LHFPL2: variants seen among roughly 807,000 people sequenced by gnomAD.
LHFPL2 encodes LHFPL tetraspan subfamily member 2 protein.
Under a neutral mutation model 17.5 loss-of-function variants are expected in LHFPL2, and 7 were observed. That is an observed-to-expected ratio of 0.40 (90% CI 0.23 to 0.75). LHFPL2 has a LOEUF of 0.75. Among genes scored for constraint, LHFPL2 ranks in the 30% least tolerant of loss-of-function variants. LHFPL2 has a pLI of 0.37. For synonymous variants in LHFPL2, 134 were observed against 116.2 expected, an observed-to-expected ratio of 1.15 and a Z score of -0.99; for missense variants, 241 against 294.8, an observed-to-expected ratio of 0.82 and a Z score of 1.34.
chr5:78,619,200 A>AT (rs1744737777), intron 2 of LHFPL2, among the ~76,000 whole-genome samples: 1 of 151,982 alleles, frequency 6.6e-6, no homozygotes, highest in Non-Finnish European at 1.5e-5. Context: ...TAATTCTTGT[A>AT]TTTTTTTGTT....
chr5:78,642,248 C>G (rs1745693523), intron 1 of LHFPL2: 1 of 152,200 alleles, frequency 6.6e-6, no homozygotes, highest in African/African-American at 2.4e-5. Flanking sequence ...CAAATACCAT[C>G]ACATAGCGGG....
At chr5:78,635,664 G>A (rs931335497) in intron 1 of LHFPL2, among the ~76,000 whole-genome samples, 2 of 152,290 alleles carry the variant, frequency 1.3e-5, no homozygotes, top group African/African-American at 4.8e-5. Flanking sequence ...TTAGCCGGGT[G>A]TGGTGGTGGG....
chr5:78,510,037 G>C lies in LHFPL2; in HGVS notation c.177C>G (p.Pro59=), dbSNP rs780510275. Residue 59 remains proline (P), a synonymous_variant, in exon 4 of 5, where the codon CCC becomes CCG. Transcript: ENST00000380345. The stretch of plus-strand genomic sequence containing the variant: ...TGCAGCGGGCGTAGATGCCCAGGGT[G>C]GGGTGGTAGGGCTCCGGGGAGCCCC... ...PGGGSPEPYH[P]TLGIYARCIR... is the part of the protein sequence containing the mutation. 1.3e-5 allele frequency: 21 copies of C among 1,610,824 alleles called. No individual in the cohort carries two copies. The highest frequency in any genetic ancestry group is 2.2e-5 in the East Asian group (1 of 44,800).
rs549762860 is a variant in LHFPL2, at chr5:78,557,643, C to T, written c.-186+7170G>A. On this transcript the variant is annotated intron_variant, in intron 3 of 4. Coordinates refer to ENST00000380345, the MANE Select transcript of LHFPL2 (RefSeq NM_005779.3). Reference sequence around the variant, plus strand: ...ATGTAAATTAACAACAGGAAGTGTCCACCTCCTAACACCACTTGGCCACAG... The same window carrying T: ...ATGTAAATTAACAACAGGAAGTGTCTACCTCCTAACACCACTTGGCCACAG... Among the ~76,000 whole-genome samples, 3 of 152,290 alleles carry T rather than the reference C, an allele frequency of 2.0e-5. No homozygotes were observed. In the South Asian group the frequency reaches 6.2e-4, roughly 32 times the overall value.
At chr5:78,578,180 C>T (rs758542855) in intron 2 of LHFPL2, among the ~76,000 whole-genome samples, 1 of 152,146 alleles carries the variant, frequency 6.6e-6, no homozygotes, top group Admixed American at 6.5e-5. Context: ...CTGGCATGGT[C>T]CTCTGTACTT....
chr5:78,573,656 C>T (rs1580819453), intron 2 of LHFPL2, among the ~76,000 whole-genome samples: 2 of 152,194 alleles, frequency 1.3e-5, no homozygotes, highest in East Asian at 3.8e-4. Flanking sequence ...CTGCTTTCAT[C>T]TTTTTTCCCC....
intron 3 of LHFPL2, among the ~76,000 whole-genome samples, chr5:78,553,044 T>C (rs1738405457): frequency 6.6e-6 from 1 of 152,174 alleles, no homozygotes; most frequent in South Asian, 2.1e-4. Flanking sequence ...AGAAATGGGT[T>C]CGCCACAAAT....
intron 3 of LHFPL2, among the ~76,000 whole-genome samples, chr5:78,522,883 T>C (rs1039785258): frequency 3.3e-5 from 5 of 152,134 alleles, no homozygotes; most frequent in African/African-American, 1.2e-4. Context: ...ATCAGGGATA[T>C]GATATCTGGG....
At chr5:78,526,684 T>G (rs1472621896) in intron 3 of LHFPL2, among the ~76,000 whole-genome samples, 1 of 152,228 alleles carries the variant, frequency 6.6e-6, no homozygotes, top group African/African-American at 2.4e-5. Context: ...TGAGCCCAAG[T>G]TGGGTCCACA....
intron 2 of LHFPL2, among the ~76,000 whole-genome samples, chr5:78,584,995 G>GTTTTTTTTTT (rs1163195083): frequency 4.9e-5 from 2 of 40,528 alleles, no homozygotes; most frequent in African/African-American, 1.6e-4. Flanking sequence ...GGTGCGCTGT[G>GTTTTTTTTTT]TTTTTTTTTT....
chr5:78,634,386 A>G (rs1745357763), intron 1 of LHFPL2, among the ~76,000 whole-genome samples: 1 of 152,148 alleles, frequency 6.6e-6, no homozygotes, highest in Admixed American at 6.5e-5. Context: ...CTGTATTCTC[A>G]GTGCACCTCA....
At chr5:78,592,555 T>C (rs1743665137) in intron 2 of LHFPL2, among the ~76,000 whole-genome samples, 1 of 152,202 alleles carries the variant, frequency 6.6e-6, no homozygotes. Context: ...TTTTGCTTTC[T>C]TCACTTCCAC....
At chr5:78,646,957 CT>C (rs1294778293) in intron 1 of LHFPL2, among the ~76,000 whole-genome samples, 1 of 152,212 alleles carries the variant, frequency 6.6e-6, no homozygotes, top group Non-Finnish European at 1.5e-5. Context: ...CCCCATCCCC[CT>C]CTCCTACAAC....
At chr5:78,645,100 C>A (rs985363473) in intron 1 of LHFPL2, among the ~76,000 whole-genome samples, 2 of 152,184 alleles carry the variant, frequency 1.3e-5, no homozygotes, top group African/African-American at 4.8e-5. Flanking sequence ...CTGCTACCAC[C>A]CCCAGCCCCA....
At chr5:78,638,802 C>T (rs77296218) in intron 1 of LHFPL2, among the ~76,000 whole-genome samples, 3,317 of 152,136 alleles carry the variant, frequency 0.022, 121 homozygotes, top group African/African-American at 0.076. Context: ...ACAAGACAGA[C>T]GACCAGGTCA....
At chr5:78,504,033 A>G (rs1176374272) in intron 4 of LHFPL2, among the ~76,000 whole-genome samples, 1 of 151,970 alleles carries the variant, frequency 6.6e-6, no homozygotes, top group African/African-American at 2.4e-5. Flanking sequence ...TTTACTTTTT[A>G]CCAAGGGACT....
Position 78,559,355 on chromosome 5 carries a change from T to C in LHFPL2, c.-186+5458A>G, listed in dbSNP as rs563678424. On this transcript the variant is annotated intron_variant, in intron 3 of 4. Transcript: ENST00000380345. Reference sequence around the variant, plus strand: ...GCTGGATAGTCTATAATGTCAGACATTGCACTGGGCATCGAGGATATACTA... The same window carrying C: ...GCTGGATAGTCTATAATGTCAGACACTGCACTGGGCATCGAGGATATACTA... Among the ~76,000 whole-genome samples, 37 of 152,306 alleles carry C rather than the reference T, an allele frequency of 2.4e-4. No individual in the cohort carries two copies. In the South Asian group the frequency reaches 7.3e-3, roughly 30 times the overall value.
intron 3 of LHFPL2, among the ~76,000 whole-genome samples, chr5:78,545,372 A>G (rs1261707319): frequency 1.3e-5 from 2 of 152,234 alleles, no homozygotes; most frequent in African/African-American, 4.8e-5. Flanking sequence ...CAAGCCTTCA[A>G]TGAAAACACT....
chr5:78,623,440 T>C (rs1344733546), intron 2 of LHFPL2, among the ~76,000 whole-genome samples: 1 of 152,236 alleles, frequency 6.6e-6, no homozygotes, highest in African/African-American at 2.4e-5. Context: ...ACTATGGTTA[T>C]AGACCCCCAT....
Sources: gnomAD v4.1 joint callset for allele counts (sites outside exome capture counted in the v4.1 genomes callset) on GRCh38, gnomAD v4.1.1 for gene constraint, MANE v1.5 for transcripts, NCBI Gene and HGNC (gene_info 2026-07-23, HGNC 2026-07-21) for gene names.